DNAJC15: variants seen among roughly 807,000 people sequenced by gnomAD.
DNAJC15 encodes dnaJ homolog subfamily C member 15.
A neutral mutation model predicts 22.4 loss-of-function variants in DNAJC15; 27 were observed. That is an observed-to-expected ratio of 1.20 (90% CI 0.89 to 1.66). The LOEUF (loss-of-function observed/expected upper bound fraction) is 1.66, where lower values mean the gene tolerates loss of function less well. Among genes scored for constraint, DNAJC15 ranks in the 40% most tolerant of loss-of-function variants. DNAJC15 has a pLI of 0.00. For missense variants in DNAJC15, 208 were observed against 187.1 expected, an observed-to-expected ratio of 1.11 and a Z score of -0.65; for synonymous variants, 79 against 63.2, an observed-to-expected ratio of 1.25 and a Z score of -1.19.
At chr13:43,082,961 A>G (rs982699071) in intron 4 of DNAJC15, among the ~76,000 whole-genome samples, 10 of 151,834 alleles carry the variant, frequency 6.6e-5, no homozygotes, top group African/African-American at 2.4e-4. Flanking sequence ...CATTATTTAG[A>G]GGGCCACATG....
At position 43,108,895 on chromosome 13, in the gene DNAJC15, G is replaced by C. The variant is rs2040811622; in HGVS notation, c.*1647G>C. 6.6e-6 allele frequency: 1 copy of C among 152,072 alleles called. No homozygotes were observed. The allele number at this position is 152,072 out of a possible 1,614,324, so 9.4% of individuals were successfully genotyped here. ...TTGAAGTCGATAAAATATATTTCTT[G>C]CTTTAAAGTCCCCATACGTGTCCTA... On this transcript the variant is annotated 3_prime_UTR_variant, in exon 6 of 6. Coordinates refer to ENST00000379221, the MANE Select transcript of DNAJC15 (RefSeq NM_013238.3).
intron 1 of DNAJC15, among the ~76,000 whole-genome samples, chr13:43,043,665 T>C (rs1357473481): frequency 6.6e-6 from 1 of 152,220 alleles, no homozygotes; most frequent in Non-Finnish European, 1.5e-5. Flanking sequence ...TTTCCTAACA[T>C]GTTTGGCCTC....
At chr13:43,076,139 A>G (rs1167933633) in intron 3 of DNAJC15, among the ~76,000 whole-genome samples, 2 of 152,056 alleles carry the variant, frequency 1.3e-5, no homozygotes, top group Non-Finnish European at 2.9e-5. Context: ...GTGGGGGACT[A>G]TTTGTTTTTT....
chr13:43,104,479 G>A (rs557987437), intron 5 of DNAJC15, among the ~76,000 whole-genome samples: 1 of 152,094 alleles, frequency 6.6e-6, no homozygotes, highest in African/African-American at 2.4e-5. Context: ...TTCTAGTTGG[G>A]TGTCAGTGGG....
chr13:43,097,660 C>T (rs1024230547), intron 5 of DNAJC15, among the ~76,000 whole-genome samples: 9 of 152,032 alleles, frequency 5.9e-5, no homozygotes, highest in African/African-American at 9.7e-5. Flanking sequence ...GGTCTAGGCC[C>T]GGTACGGTGG....
chr13:43,079,037 C>T (rs1490561128), intron 4 of DNAJC15, among the ~76,000 whole-genome samples: 1 of 151,874 alleles, frequency 6.6e-6, no homozygotes, highest in East Asian at 1.9e-4. Context: ...AATTATAATC[C>T]AGGATATGTT....
intron 5 of DNAJC15, among the ~76,000 whole-genome samples, chr13:43,086,522 C>T (rs1195701561): frequency 6.6e-6 from 1 of 152,070 alleles, no homozygotes; most frequent in East Asian, 1.9e-4. Context: ...CTTTCAGTTT[C>T]CTAATTATTT....
chr13:43,061,563 CCT>C (rs1372280011), intron 1 of DNAJC15, among the ~76,000 whole-genome samples: 3 of 152,190 alleles, frequency 2.0e-5, no homozygotes, highest in South Asian at 4.1e-4. Context: ...AGTGAGGAAA[CCT>C]CTTTCTGCCC....
At chr13:43,092,923 A>C (rs2040722404) in intron 5 of DNAJC15, among the ~76,000 whole-genome samples, 1 of 152,162 alleles carries the variant, frequency 6.6e-6, no homozygotes, top group Non-Finnish European at 1.5e-5. Context: ...CAAAGAAAAC[A>C]AAACTGTTTC....
chr13:43,060,882 C>G (rs375942664), intron 1 of DNAJC15, among the ~76,000 whole-genome samples: 2 of 152,278 alleles, frequency 1.3e-5, no homozygotes, highest in East Asian at 1.9e-4. Flanking sequence ...AAGGCCTCTA[C>G]CCACCCAGTG....
intron 5 of DNAJC15, among the ~76,000 whole-genome samples, chr13:43,101,919 A>G (rs556142689): frequency 5.3e-5 from 8 of 152,270 alleles, no homozygotes; most frequent in African/African-American, 1.9e-4. Flanking sequence ...TTTTCACATA[A>G]TGACTTCTTT....
At chr13:43,065,468 TAAATG>T (rs1316792481) in intron 1 of DNAJC15, among the ~76,000 whole-genome samples, 1 of 152,168 alleles carries the variant, frequency 6.6e-6, no homozygotes, top group Non-Finnish European at 1.5e-5. Flanking sequence ...ATATGGAAAT[TAAATG>T]AAAATCTAGA....
chr13:43,082,399 T>C (rs17064144), intron 4 of DNAJC15, among the ~76,000 whole-genome samples: 2,049 of 152,280 alleles, frequency 0.013, 45 homozygotes, highest in African/African-American at 0.044. Context: ...TCATGTTGTT[T>C]AATCTTTACA....
chr13:43,065,789 G>A (rs1234209900), intron 2 of DNAJC15, 52 bp downstream of exon 2: 10 of 1,535,576 alleles, frequency 6.5e-6, no homozygotes, highest in South Asian at 1.1e-5. Context: ...TTTCCAAATA[G>A]CATCTACAGT....
intron 1 of DNAJC15, among the ~76,000 whole-genome samples, chr13:43,024,508 T>C (rs1316892949): frequency 6.6e-6 from 1 of 151,832 alleles, no homozygotes; most frequent in Non-Finnish European, 1.5e-5. Context: ...CACTCCCGGC[T>C]AATTTTTTGT....
chr13:43,087,083 GAT>G lies in DNAJC15; in HGVS notation c.382+1246_382+1247del, dbSNP rs369475467. ...TTTCTAAAGTCCTTTTTGTTTGCAT[GAT>G]TTAATAACCTTTTATGCCTATTCAA... On this transcript the variant is annotated intron_variant, in intron 5 of 5. Coordinates refer to ENST00000379221, the MANE Select transcript of DNAJC15 (RefSeq NM_013238.3). Among the ~76,000 whole-genome samples the G allele has an allele frequency of 2.8e-3, 433 of 152,282 alleles. 2 individuals are homozygous for G. The highest frequency in any genetic ancestry group is 1.0e-2 in the African/African-American group (415 of 41,558).
intron 1 of DNAJC15, 135 bp downstream of exon 1, chr13:43,023,869 TCAG>T: frequency 1.2e-6 from 1 of 832,570 alleles, no homozygotes; most frequent in Non-Finnish European, 1.8e-6. Context: ...GCTCACTTGT[TCAG>T]TGGAGAGACC....
intron 1 of DNAJC15, among the ~76,000 whole-genome samples, chr13:43,029,149 G>C (rs1859126334): frequency 6.6e-6 from 1 of 152,112 alleles, no homozygotes; most frequent in African/African-American, 2.4e-5. Flanking sequence ...AGCCTCTAAG[G>C]GAGAGCAAGA....
intron 3 of DNAJC15, among the ~76,000 whole-genome samples, chr13:43,069,667 T>C (rs2040599741): frequency 6.6e-6 from 1 of 152,170 alleles, no homozygotes; most frequent in South Asian, 2.1e-4. Flanking sequence ...AGCGTAAACA[T>C]TGGCTTCAGG....
Sources: allele counts gnomAD v4.1 joint callset (sites outside exome capture counted in the v4.1 genomes callset), GRCh38; gene constraint gnomAD v4.1.1; transcripts MANE v1.5; gene names NCBI Gene and HGNC (gene_info 2026-07-23, HGNC 2026-07-21).